ARHGAP6: variants seen among roughly 807,000 people sequenced by gnomAD.
ARHGAP6 encodes the protein rho GTPase-activating protein 6.
In ARHGAP6, 16 loss-of-function variants were observed where a neutral mutation model predicts 55.7. The ratio of observed to expected loss-of-function variants is 0.29; its 90% CI spans 0.19 to 0.44. ARHGAP6 has a LOEUF of 0.44. Ranked by LOEUF, ARHGAP6 falls within the 20% of genes least tolerant of loss-of-function variation. ARHGAP6 has a pLI of 1.00. For synonymous variants in ARHGAP6, 382 were observed against 360.9 expected, an observed-to-expected ratio of 1.06 and a Z score of -0.66; for missense variants, 698 against 808.9, an observed-to-expected ratio of 0.86 and a Z score of 1.66.
chrX:11,473,457 T>TA (rs2050369776), intron 1 of ARHGAP6, among the ~76,000 whole-genome samples: 1 of 111,638 alleles, frequency 9.0e-6, no homozygotes, highest in Admixed American at 9.5e-5. Context: ...CCTAAATTTG[T>TA]AAGGGTGTCC....
At chrX:11,196,135 A>AAAAAC (rs572396714) in intron 3 of ARHGAP6, among the ~76,000 whole-genome samples, 24,587 of 100,516 alleles carry the variant, frequency 0.24, 2,991 homozygotes, top group Non-Finnish European at 0.3. Context: ...CTCTGTCTCA[A>AAAAAC]AAAACAAAAC....
At chrX:11,643,200 C>A (rs1035006018) in intron 1 of ARHGAP6, among the ~76,000 whole-genome samples, 5 of 111,946 alleles carry the variant, frequency 4.5e-5, no homozygotes, top group African/African-American at 1.6e-4. Flanking sequence ...TTCCCTTCTA[C>A]AGTCTTTCTT....
rs183364953 is a variant in ARHGAP6, at chrX:11,500,010, A to C, written c.588+164231T>G. ...GTTTTTTTATTTGCATAATTTTCTT[A>C]CTGGAAGAGTAATACTATTTTCTAA... On this transcript the variant is annotated intron_variant, in intron 1 of 12. Coordinates refer to ENST00000337414, the MANE Select transcript of ARHGAP6 (RefSeq NM_013427.3). 2.9e-3 allele frequency among the ~76,000 whole-genome samples: 323 copies of C among 112,215 alleles called. 1 individual carries two copies. Among genetic ancestry groups the C allele is most frequent in the African/African-American group, 9.2e-3 (286 of 30,921 alleles).
At chrX:11,332,872 CAG>C (rs2048578816) in intron 1 of ARHGAP6, among the ~76,000 whole-genome samples, 1 of 111,941 alleles carries the variant, frequency 8.9e-6, no homozygotes, top group African/African-American at 3.2e-5. Context: ...CCACAATAGT[CAG>C]GGCACAGAAC....
At chrX:11,402,782 T>C (rs1267159480) in intron 1 of ARHGAP6, among the ~76,000 whole-genome samples, 7 of 112,066 alleles carry the variant, frequency 6.2e-5, no homozygotes, top group Non-Finnish European at 1.1e-4. Context: ...TGGGGAATAA[T>C]TGAGCATCAG....
intron 1 of ARHGAP6, among the ~76,000 whole-genome samples, chrX:11,614,631 TA>T (rs1364430648): frequency 9.0e-6 from 1 of 111,725 alleles, no homozygotes; most frequent in East Asian, 2.8e-4. Flanking sequence ...GACACAGAGC[TA>T]AACCATATCA....
chrX:11,387,302 G>C (rs891491086), intron 1 of ARHGAP6, among the ~76,000 whole-genome samples: 2 of 111,422 alleles, frequency 1.8e-5, no homozygotes, highest in Non-Finnish European at 1.9e-5. Context: ...TGGGGCTTGG[G>C]GATTGGGTAT....
At chrX:11,312,200 C>G (rs963179719) in intron 1 of ARHGAP6, among the ~76,000 whole-genome samples, 6 of 112,100 alleles carry the variant, frequency 5.4e-5, no homozygotes, top group African/African-American at 1.9e-4. Context: ...ACACACAACA[C>G]AAACTTCAGA....
intron 3 of ARHGAP6, among the ~76,000 whole-genome samples, chrX:11,195,000 A>G (rs886122572): frequency 8.9e-6 from 1 of 112,356 alleles, no homozygotes; most frequent in African/African-American, 3.2e-5. Flanking sequence ...ACTGTGTCAC[A>G]TAAAGTGAAA....
At chrX:11,512,712 C>A (rs747981082) in intron 1 of ARHGAP6, among the ~76,000 whole-genome samples, 33 of 111,171 alleles carry the variant, frequency 3.0e-4, no homozygotes, top group Admixed American at 1.1e-3. Flanking sequence ...GGAAAAGAAC[C>A]CAGTTTTCTC....
chrX:11,271,150 C>T (rs1462757901), intron 1 of ARHGAP6, among the ~76,000 whole-genome samples: 1 of 111,420 alleles, frequency 9.0e-6, no homozygotes, highest in African/African-American at 3.3e-5. Context: ...TAGGGCAGGT[C>T]ATTTATTCTG....
chrX:11,279,339 A>G (rs2047821712), intron 1 of ARHGAP6, among the ~76,000 whole-genome samples: 1 of 112,189 alleles, frequency 8.9e-6, no homozygotes, highest in African/African-American at 3.2e-5. Context: ...TTGAAAGTTT[A>G]ATAACTTCAT....
chrX:11,386,995 T>C (rs183830427), intron 1 of ARHGAP6, among the ~76,000 whole-genome samples: 14 of 112,129 alleles, frequency 1.2e-4, no homozygotes, highest in Admixed American at 1.0e-3. Context: ...ATGGATTAAG[T>C]AGACTGATCC....
At chrX:11,506,297 T>C (rs146457950) in intron 1 of ARHGAP6, among the ~76,000 whole-genome samples, 8,233 of 110,970 alleles carry the variant, frequency 0.074, 365 homozygotes, top group East Asian at 0.18. Flanking sequence ...ACGTGCAGTT[T>C]TGTTACATAG....
intron 1 of ARHGAP6, among the ~76,000 whole-genome samples, chrX:11,329,828 G>A (rs1332574272): frequency 8.9e-6 from 1 of 112,358 alleles, no homozygotes; most frequent in African/African-American, 3.2e-5. Flanking sequence ...ATACAGACCT[G>A]TACAGCATGT....
At chrX:11,187,911 A>T (rs2046406833) in intron 4 of ARHGAP6, among the ~76,000 whole-genome samples, 1 of 112,074 alleles carries the variant, frequency 8.9e-6, no homozygotes, top group East Asian at 2.8e-4. Flanking sequence ...GCGCATCTGT[A>T]GTCCCAGCTA....
intron 1 of ARHGAP6, among the ~76,000 whole-genome samples, chrX:11,572,974 G>A (rs748967026): frequency 8.9e-6 from 1 of 112,165 alleles, no homozygotes; most frequent in African/African-American, 3.2e-5. Context: ...TCTGTTGGCT[G>A]CATAAATGTC....
chrX:11,595,294 GAAA>G (rs200780665), intron 1 of ARHGAP6, among the ~76,000 whole-genome samples: 1 of 63,610 alleles, frequency 1.6e-5, no homozygotes. Context: ...TGTCTCAAGA[GAAA>G]AAAAAAAAAA....
Position 11,487,515 on chromosome X carries a change from C to T in ARHGAP6, c.588+176726G>A, listed in dbSNP as rs187475554. Reference sequence around the variant, plus strand: ...TTCAGCAAATAAAAATAGAAGATGCCCAGTTAAACTTGAATTTCAGTTAAA... The same window carrying T: ...TTCAGCAAATAAAAATAGAAGATGCTCAGTTAAACTTGAATTTCAGTTAAA... On this transcript the variant is annotated intron_variant, in intron 1 of 12. Transcript: ENST00000337414. Among the ~76,000 whole-genome samples, 13 of 112,042 alleles carry T rather than the reference C, an allele frequency of 1.2e-4. No homozygotes were observed. In the East Asian group the frequency reaches 3.6e-3, roughly 31 times the overall value.
Sources: gnomAD v4.1 joint callset for allele counts (sites outside exome capture counted in the v4.1 genomes callset) on GRCh38, gnomAD v4.1.1 for gene constraint, MANE v1.5 for transcripts, NCBI Gene and HGNC (gene_info 2026-07-23, HGNC 2026-07-21) for gene names.